Variants in KLRG1 observed in about 807,000 individuals in gnomAD.
The protein encoded by KLRG1 is killer cell lectin-like receptor subfamily G member 1.
KLRG1 carries 16 observed loss-of-function variants against 21.8 expected under a neutral mutation model. That is an observed-to-expected ratio of 0.73 (90% CI 0.50 to 1.11). The LOEUF (loss-of-function observed/expected upper bound fraction) is 1.11, where lower values mean the gene tolerates loss of function less well. KLRG1 is among the 50% of genes most tolerant of loss of function. KLRG1 has a pLI of 0.00. For synonymous variants in KLRG1, 69 were observed against 75.9 expected, an observed-to-expected ratio of 0.91 and a Z score of 0.47; for missense variants, 173 against 218.3, an observed-to-expected ratio of 0.79 and a Z score of 1.31.
chr12:9,214,046 A>T, the KLRG1 span, among the ~76,000 whole-genome samples: 4 of 151,988 alleles, frequency 2.6e-5, no homozygotes, highest in South Asian at 8.3e-4. Context: ...TTTCTTTTGC[A>T]TATGGGTATT....
At chr12:9,147,639 G>C in the KLRG1 span, among the ~76,000 whole-genome samples, 1 of 152,102 alleles carries the variant, frequency 6.6e-6, no homozygotes, top group African/African-American at 2.4e-5. Flanking sequence ...CCTGGGGGAA[G>C]ACCAGGGTTT....
the KLRG1 span, chr12:9,165,206 G>A: frequency 6.2e-7 from 1 of 1,614,196 alleles, no homozygotes; most frequent in Non-Finnish European, 8.5e-7. Flanking sequence ...ACGAATCACA[G>A]AGTAAGGCAT....
intron 1 of KLRG1, among the ~76,000 whole-genome samples, chr12:8,981,335 C>T (rs1946751735): frequency 6.6e-6 from 1 of 151,520 alleles, no homozygotes; most frequent in African/African-American, 2.4e-5. Flanking sequence ...TTTTTTTAAC[C>T]CTCATAAATT....
At chr12:8,955,047 G>A (rs917500534) in intron 1 of KLRG1, among the ~76,000 whole-genome samples, 1 of 151,936 alleles carries the variant, frequency 6.6e-6, no homozygotes, top group African/African-American at 2.4e-5. Flanking sequence ...CTCCCGAGTA[G>A]CTGGAACTAC....
At chr12:9,194,021 A>G in the KLRG1 span, 16 of 1,490,958 alleles carry the variant, frequency 1.1e-5, no homozygotes, top group Admixed American at 2.3e-4. Context: ...TCTTCTGAAT[A>G]TATCACTGTT....
the KLRG1 span, among the ~76,000 whole-genome samples, chr12:9,084,516 A>G: frequency 6.6e-6 from 1 of 152,286 alleles, no homozygotes; most frequent in East Asian, 1.9e-4. Flanking sequence ...CCATAGTAAC[A>G]GCAAGGCAAA....
the KLRG1 span, among the ~76,000 whole-genome samples, chr12:9,195,410 C>T: frequency 6.6e-6 from 1 of 151,198 alleles, no homozygotes; most frequent in Non-Finnish European, 1.5e-5. Context: ...TCCCTTTCCC[C>T]TTCCCCTTTT....
chr12:9,164,395 A>G, the KLRG1 span: 1 of 942,680 alleles, frequency 1.1e-6, no homozygotes, highest in Non-Finnish European at 1.5e-6. Context: ...AGATTCATCC[A>G]TGCTTTAAGA....
the KLRG1 span, chr12:9,077,253 T>A: frequency 8.3e-7 from 1 of 1,203,942 alleles, no homozygotes; most frequent in African/African-American, 1.5e-5. Flanking sequence ...AAGCTGATGC[T>A]TTGCTTTTAA....
the KLRG1 span, among the ~76,000 whole-genome samples, chr12:9,141,392 G>A: frequency 2.0e-5 from 3 of 152,084 alleles, no homozygotes; most frequent in East Asian, 3.8e-4. Flanking sequence ...ACATTTACCC[G>A]ATTTTAATGT....
the KLRG1 span, chr12:9,058,520 CATAT>C: frequency 1.3e-5 from 2 of 151,572 alleles, no homozygotes; most frequent in Non-Finnish European, 1.5e-5. Context: ...TATAAACAAA[CATAT>C]ATGTTTTAAT....
At chr12:9,112,095 C>CA in the KLRG1 span, 11 of 1,545,460 alleles carry the variant, frequency 7.1e-6, no homozygotes, top group Non-Finnish European at 9.8e-6. Flanking sequence ...TCCCTCAGCA[C>CA]AAAAAACAGG....
At chr12:8,960,604 TG>T (rs1212114259) in intron 1 of KLRG1, among the ~76,000 whole-genome samples, 45 of 152,300 alleles carry the variant, frequency 3.0e-4, no homozygotes, top group African/African-American at 1.0e-3. Context: ...CATGGATCCA[TG>T]GATTGTTCAC....
At chr12:9,174,717 A>G in the KLRG1 span, among the ~76,000 whole-genome samples, 2 of 152,164 alleles carry the variant, frequency 1.3e-5, no homozygotes, top group Non-Finnish European at 2.9e-5. Context: ...CACAATTGCT[A>G]CAGAAAGAAT....
At chr12:9,132,590 C>G in the KLRG1 span, among the ~76,000 whole-genome samples, 1 of 152,098 alleles carries the variant, frequency 6.6e-6, no homozygotes, top group Non-Finnish European at 1.5e-5. Context: ...GCAATATAGT[C>G]AGCAGGAAGA....
chr12:9,203,566 C>T, the KLRG1 span, among the ~76,000 whole-genome samples: 3 of 152,184 alleles, frequency 2.0e-5, no homozygotes, highest in East Asian at 3.9e-4. Context: ...TGGTCTCGAT[C>T]TCCTGACCTC....
At chr12:9,006,254 C>T (rs1218208223) in intron 3 of KLRG1, among the ~76,000 whole-genome samples, 2 of 151,988 alleles carry the variant, frequency 1.3e-5, no homozygotes, top group African/African-American at 4.8e-5. Context: ...GAAAATGAAA[C>T]AGTATGATAT....
At chr12:9,004,143 G>A (rs1335165619) in intron 3 of KLRG1, among the ~76,000 whole-genome samples, 1 of 152,092 alleles carries the variant, frequency 6.6e-6, no homozygotes, top group African/African-American at 2.4e-5. Context: ...TTGCTATTGT[G>A]AATAGTGCCA....
the KLRG1 span, among the ~76,000 whole-genome samples, chr12:9,178,307 CTG>C: frequency 6.6e-6 from 1 of 152,170 alleles, no homozygotes; most frequent in Admixed American, 6.5e-5. Context: ...CTCTGTTTTT[CTG>C]GTGGATCCAC....
Sources: gnomAD v4.1 joint callset for allele counts (sites outside exome capture counted in the v4.1 genomes callset) on GRCh38, gnomAD v4.1.1 for gene constraint, MANE v1.5 for transcripts, NCBI Gene and HGNC (gene_info 2026-07-23, HGNC 2026-07-21) for gene names.